TOMM70: variants seen among roughly 807,000 people sequenced by gnomAD.
The protein encoded by TOMM70 is translocase of outer mitochondrial membrane 70, also known as mitochondrial import receptor subunit TOM70.
In TOMM70, 13 loss-of-function variants were observed where a neutral mutation model predicts 73.6. That is an observed-to-expected ratio of 0.18 (90% CI 0.11 to 0.28). The LOEUF is 0.28. TOMM70 is among the 10% of genes least tolerant of loss of function. TOMM70 has a pLI of 1.00. For synonymous variants in TOMM70, 257 were observed against 271.2 expected, an observed-to-expected ratio of 0.95 and a Z score of 0.51; for missense variants, 609 against 747.5, an observed-to-expected ratio of 0.81 and a Z score of 2.16.
In TOMM70 at chr3:100,371,259, ATTTTTTTTTTTTT is replaced by A. The variant is rs61515802; in HGVS notation, c.1452+1334_1452+1346del. Among the ~76,000 whole-genome samples the A allele has an allele frequency of 3.3e-3, 329 of 98,654 alleles. No individual in the cohort carries two copies. The Middle Eastern group carries it at 0.053, about 16-fold the overall frequency. 64.7% of individuals were successfully genotyped at this position (98,654 alleles called of 152,430 possible). On this transcript the variant is annotated intron_variant, in intron 9 of 11. Coordinates refer to ENST00000284320, the MANE Select transcript of TOMM70 (RefSeq NM_014820.5). ...AGGAGAGGGGTCAACCAGCGATGGT[ATTTTTTTTTTTTT>A]TTTTTTTTTTTGGAAATGGAGTCTC...
intron 4 of TOMM70, among the ~76,000 whole-genome samples, chr3:100,383,069 C>T (rs1706650670): frequency 6.6e-6 from 1 of 152,048 alleles, no homozygotes; most frequent in African/African-American, 2.4e-5. Context: ...TATTTTCTTA[C>T]CATCTTGCAA....
At chr3:100,387,978 A>G (rs1350653121) in intron 1 of TOMM70, among the ~76,000 whole-genome samples, 1 of 152,182 alleles carries the variant, frequency 6.6e-6, no homozygotes, top group East Asian at 1.9e-4. Context: ...TAAGATCAGA[A>G]TATTATATAG....
chr3:100,387,474 G>C (rs1055517984), intron 1 of TOMM70, among the ~76,000 whole-genome samples: 1 of 151,688 alleles, frequency 6.6e-6, no homozygotes, highest in East Asian at 1.9e-4. Flanking sequence ...AAGCATGAGA[G>C]GTGTCTTGCT....
At chr3:100,366,133 C>T (rs277643) in intron 11 of TOMM70, among the ~76,000 whole-genome samples, 149,894 of 152,342 alleles carry the variant, frequency 0.98, 73,765 homozygotes, top group East Asian at 1. Flanking sequence ...TGACATAATA[C>T]CGGGACACTA....
intron 4 of TOMM70, among the ~76,000 whole-genome samples, chr3:100,384,128 C>G (rs1242705338): frequency 2.6e-5 from 4 of 152,202 alleles, no homozygotes; most frequent in African/African-American, 9.7e-5. Flanking sequence ...CAGTTTGTCA[C>G]AACCACTCAA....
intron 11 of TOMM70, 74 bp from the exon 12 acceptor site, chr3:100,365,791 G>C (rs373478708): frequency 6.5e-7 from 1 of 1,538,206 alleles, no homozygotes; most frequent in South Asian, 1.2e-5. Context: ...GTAAGTGATG[G>C]TACATGAAGT....
intron 6 of TOMM70, 54 bp downstream of exon 6, chr3:100,377,646 CATAAT>C: frequency 6.5e-7 from 1 of 1,539,684 alleles, no homozygotes; most frequent in Non-Finnish European, 8.8e-7. Context: ...TCTGGCAAAA[CATAAT>C]GAAAGGCATC....
Position 100,401,079 on chromosome 3 carries a change from C to A in TOMM70, c.-130G>T. 3 of 1,071,234 alleles carry A rather than the reference C, an allele frequency of 2.8e-6. No homozygotes were observed. Among genetic ancestry groups the A allele is most frequent in the South Asian group, 1.4e-5 (1 of 71,490 alleles). The allele number at this position is 1,071,234 out of a possible 1,614,324, so 66.4% of individuals were successfully genotyped here. On this transcript the variant is annotated 5_prime_UTR_variant, in exon 1 of 12. Transcript: ENST00000284320. Reference sequence around the variant, plus strand: ...GAGCACGCTAGGCAGAGAGAGCGGACGACAGAAAAGGGCCAGAGGTCACCG... The same window carrying A: ...GAGCACGCTAGGCAGAGAGAGCGGAAGACAGAAAAGGGCCAGAGGTCACCG...
intron 3 of TOMM70, among the ~76,000 whole-genome samples, chr3:100,385,223 C>G (rs1001845131): frequency 7.9e-5 from 12 of 152,218 alleles, no homozygotes; most frequent in Non-Finnish European, 1.5e-4. Flanking sequence ...CGGCTAGCGC[C>G]AATGTCAATG....
At chr3:100,377,382 A>G (rs957224559) in intron 6 of TOMM70, 1 of 220,514 alleles carries the variant, frequency 4.5e-6, no homozygotes. Context: ...CGTTACTGAC[A>G]GCATTATCTA....
chr3:100,378,737 T>C (rs965031707), intron 5 of TOMM70, among the ~76,000 whole-genome samples: 23 of 152,168 alleles, frequency 1.5e-4, no homozygotes, highest in African/African-American at 5.5e-4. Context: ...CTGGATGCGG[T>C]GGCTCACGCC....
At chr3:100,372,488 G>C (rs1706521543) in intron 9 of TOMM70, 118 bp downstream of exon 9, 1 of 790,700 alleles carries the variant, frequency 1.3e-6, no homozygotes, top group Non-Finnish European at 2.0e-6. Context: ...AATCAATCAG[G>C]AACAAAGCCA....
At chr3:100,377,953 A>T (rs972032690) in intron 5 of TOMM70, 41 bp from the exon 6 acceptor site, 15 of 1,570,042 alleles carry the variant, frequency 9.6e-6, no homozygotes, top group Non-Finnish European at 1.3e-5. Context: ...TTACTAAGAA[A>T]AAATTAAATG....
Position 100,400,846 on chromosome 3 carries a change from C to G in TOMM70, c.104G>C (p.Gly35Ala), listed in dbSNP as rs748761190. The G allele has an allele frequency of 1.3e-4, 196 of 1,523,646 alleles. No homozygotes were observed. Among genetic ancestry groups the G allele is most frequent in the East Asian group, 7.6e-5 (3 of 39,402 alleles). 94.4% of individuals were successfully genotyped at this position (1,523,646 alleles called of 1,614,324 possible). A position where few individuals can be genotyped will look rare whatever the true frequency, so the allele number is the denominator to read the frequency against. The change falls in exon 1 of 12, where the codon GGG (glycine) becomes GCG (alanine). Residue 35 changes from glycine to alanine, a missense_variant. Gly to Ala is a moderately conservative substitution (Grantham distance 60). Transcript: ENST00000284320. ...GGGTAGPGTG[G>A]LPRWQLALAV... ...CAGAGCCAGCTGCCATCGCGGCAGC[C>G]CCCCCGTGCCCGGGCCCGCAGTCCC...
intron 11 of TOMM70, among the ~76,000 whole-genome samples, chr3:100,367,547 T>C (rs1221201348): frequency 6.6e-6 from 1 of 152,198 alleles, no homozygotes; most frequent in East Asian, 1.9e-4. Context: ...AAGATGGGGA[T>C]GAAGATTAAT....
chr3:100,398,104 C>T (rs1706845759), intron 1 of TOMM70, among the ~76,000 whole-genome samples: 1 of 151,916 alleles, frequency 6.6e-6, no homozygotes, highest in African/African-American at 2.4e-5. Flanking sequence ...CTAGTTTCAG[C>T]CGGTGAGGTG....
At chr3:100,386,102 G>T in intron 3 of TOMM70, 116 bp downstream of exon 3, 1 of 1,185,540 alleles carries the variant, frequency 8.4e-7, no homozygotes, top group Non-Finnish European at 1.2e-6. Flanking sequence ...AAGTGCAAAG[G>T]AATCCAACTT....
At chr3:100,388,461 G>A (rs1000111890) in intron 1 of TOMM70, among the ~76,000 whole-genome samples, 9 of 152,114 alleles carry the variant, frequency 5.9e-5, no homozygotes, top group Admixed American at 2.0e-4. Flanking sequence ...CACACCTATC[G>A]TTTCAGATAC....
Position 100,377,731 on chromosome 3 carries a change from T to A in TOMM70, c.1066A>T (p.Ile356Phe). The change falls in exon 6 of 12, where the codon ATC becomes TTC. Residue 356 changes from isoleucine (I) to phenylalanine (F), a missense_variant. Physicochemically the swap from Ile to Phe is conservative, Grantham distance 21 (BLOSUM62 0). Transcript: ENST00000284320. ...NAAKPDLDKV[I>F]SLKEANVKLR... The stretch of plus-strand genomic sequence containing the variant: ...TTCACATTAGCTTCTTTCAAACTGA[T>A]GACTTTATCTAAATCTGGTTTGGCT... The A allele has an allele frequency of 6.2e-7, 1 of 1,613,584 alleles. No individual in the cohort carries two copies. Among genetic ancestry groups the A allele is most frequent in the Non-Finnish European group, 8.5e-7 (1 of 1,179,520 alleles).
Sources: allele counts gnomAD v4.1 joint callset (sites outside exome capture counted in the v4.1 genomes callset), GRCh38; gene constraint gnomAD v4.1.1; transcripts MANE v1.5; gene names NCBI Gene and HGNC (gene_info 2026-07-23, HGNC 2026-07-21).